Variants in NAALADL2 observed in about 807,000 individuals in gnomAD.
NAALADL2 encodes the protein N-acetylated alpha-linked acidic dipeptidase like 2, also known as inactive N-acetylated-alpha-linked acidic dipeptidase-like protein 2.
In NAALADL2, 76 loss-of-function variants were observed where a neutral mutation model predicts 87.2. The observed-to-expected ratio is 0.87, with a 90% CI of 0.72 to 1.05. NAALADL2 has a LOEUF of 1.05. Among genes scored for constraint, NAALADL2 ranks in the 50% least tolerant of loss-of-function variants. NAALADL2 has a pLI of 0.00. For synonymous variants in NAALADL2, 354 were observed against 331.0 expected (o/e 1.07, Z -0.75); for missense variants, 1,089 against 945.8 (o/e 1.15, Z -1.99).
chr3:175,307,968 A>G (rs1757917442), intron 4 of NAALADL2, among the ~76,000 whole-genome samples: 2 of 152,302 alleles, frequency 1.3e-5, no homozygotes, highest in East Asian at 3.9e-4. Context: ...AAGTAAAGTA[A>G]TTATTTACTC....
chr3:174,905,767 G>A (rs919424872), intron 1 of NAALADL2, among the ~76,000 whole-genome samples: 3 of 152,014 alleles, frequency 2.0e-5, no homozygotes, highest in African/African-American at 7.3e-5. Flanking sequence ...GGTATCTGAT[G>A]TAGAAGGGGC....
In NAALADL2 at chr3:175,103,846, A is replaced by G. The variant is rs112716177; in HGVS notation, c.545+6555A>G. 7.2e-3 allele frequency among the ~76,000 whole-genome samples: 1,093 copies of G among 152,292 alleles called. 20 individuals carry two copies. Among genetic ancestry groups the G allele is most frequent in the African/African-American group, 0.025 (1,050 of 41,558 alleles). On this transcript the variant is annotated intron_variant, in intron 2 of 13. Transcript: ENST00000454872. ...AGAACCCTTCATTTTAACATTTAGT[A>G]TGTTTTTATGGTCTTTCCTGACAAA... is the stretch of plus-strand genomic sequence containing the variant.
intron 11 of NAALADL2, among the ~76,000 whole-genome samples, chr3:175,710,598 A>ATT (rs938761718): frequency 1.3e-4 from 16 of 127,370 alleles, no homozygotes; most frequent in African/African-American, 7.6e-4. Context: ...ATATATATAT[A>ATT]CACATATATA....
intron 1 of NAALADL2, among the ~76,000 whole-genome samples, chr3:174,993,344 A>C (rs1304525392): frequency 1.3e-5 from 2 of 152,148 alleles, no homozygotes; most frequent in East Asian, 3.9e-4. Context: ...CCTGGTTATG[A>C]GCCAGGAAGA....
intron 3 of NAALADL2, among the ~76,000 whole-genome samples, chr3:174,761,342 A>G (rs1378050231): frequency 6.6e-6 from 1 of 152,196 alleles, no homozygotes; most frequent in Non-Finnish European, 1.5e-5. Flanking sequence ...AAGTTTGAAT[A>G]GTAACTAGAA....
chr3:174,578,277 A>G (rs907357727), intron 2 of NAALADL2, among the ~76,000 whole-genome samples: 1 of 151,944 alleles, frequency 6.6e-6, no homozygotes, highest in African/African-American at 2.4e-5. Flanking sequence ...ATATCCACAA[A>G]TTTTAGGAAA....
chr3:174,925,442 G>A (rs535446361), intron 1 of NAALADL2, among the ~76,000 whole-genome samples: 1 of 152,210 alleles, frequency 6.6e-6, no homozygotes, highest in Non-Finnish European at 1.5e-5. Context: ...CTCTGTTTTG[G>A]TACCAGTACC....
At chr3:174,672,795 T>C (rs1374400168) in intron 2 of NAALADL2, among the ~76,000 whole-genome samples, 1 of 152,006 alleles carries the variant, frequency 6.6e-6, no homozygotes, top group Non-Finnish European at 1.5e-5. Flanking sequence ...AAGCCTAGTA[T>C]GTTTGAGAAG....
intron 2 of NAALADL2, among the ~76,000 whole-genome samples, chr3:174,639,771 T>G (rs753996608): frequency 5.9e-5 from 9 of 152,222 alleles, no homozygotes; most frequent in Non-Finnish European, 1.2e-4. Flanking sequence ...AACTTTTTAT[T>G]AATGTTTTAT....
chr3:175,439,314 A>ATT (rs201722612), intron 5 of NAALADL2, among the ~76,000 whole-genome samples: 1,783 of 147,746 alleles, frequency 0.012, 31 homozygotes, highest in African/African-American at 0.041. Context: ...ATGTGCAAGT[A>ATT]TTTTTTTTTT....
intron 1 of NAALADL2, among the ~76,000 whole-genome samples, chr3:174,976,887 C>T (rs773704525): frequency 6.6e-6 from 1 of 152,122 alleles, no homozygotes; most frequent in Non-Finnish European, 1.5e-5. Context: ...GGCAAGGGTC[C>T]TTGAAGGGCC....
intron 9 of NAALADL2, among the ~76,000 whole-genome samples, chr3:175,507,208 A>G (rs1328201269): frequency 2.0e-5 from 3 of 151,796 alleles, no homozygotes; most frequent in African/African-American, 7.3e-5. Flanking sequence ...TTCTCCAGAC[A>G]CCCTAAAGTT....
intron 4 of NAALADL2, among the ~76,000 whole-genome samples, chr3:175,296,727 A>G (rs955755764): frequency 6.6e-6 from 1 of 152,154 alleles, no homozygotes; most frequent in Non-Finnish European, 1.5e-5. Context: ...CTCACGGTAA[A>G]ATTGCTAAGT....
chr3:175,074,246 T>C (rs1228552955), intron 1 of NAALADL2, among the ~76,000 whole-genome samples: 1 of 152,150 alleles, frequency 6.6e-6, no homozygotes, highest in African/African-American at 2.4e-5. Context: ...TGTTTAACTT[T>C]TGACTCACAT....
intron 4 of NAALADL2, among the ~76,000 whole-genome samples, chr3:175,302,639 G>C (rs1222051435): frequency 1.3e-5 from 2 of 151,914 alleles, no homozygotes; most frequent in Non-Finnish European, 2.9e-5. Context: ...TTTAACATGA[G>C]ATTTTCTAAA....
At position 175,576,205 on chromosome 3, in the gene NAALADL2, A is replaced by G; in HGVS notation, c.1800+18A>G. On this transcript the variant is annotated intron_variant, in intron 10 of 13. Transcript: ENST00000454872. ...CATTAGAGGTGATTGTTCCTAAAAA[A>G]TGCAAAACACACACACACAATATAG... The G allele has an allele frequency of 6.2e-7, 1 of 1,607,476 alleles. No homozygotes were observed. Among genetic ancestry groups the G allele is most frequent in the South Asian group, 1.1e-5 (1 of 89,952 alleles).
At chr3:175,324,044 G>GAAAAAA (rs1399594788) in intron 4 of NAALADL2, 131 bp from the exon 5 acceptor site, 11 of 470,204 alleles carry the variant, frequency 2.3e-5, no homozygotes, top group Non-Finnish European at 3.8e-5. Flanking sequence ...AAAAAAAAAA[G>GAAAAAA]AAAAAGAAAA....
At chr3:174,756,972 A>G (rs1464782797) in intron 3 of NAALADL2, among the ~76,000 whole-genome samples, 1 of 152,082 alleles carries the variant, frequency 6.6e-6, no homozygotes, top group Non-Finnish European at 1.5e-5. Context: ...ACAAAACAAA[A>G]CAAAACCTCA....
At chr3:175,227,644 T>C (rs1744346749) in intron 2 of NAALADL2, among the ~76,000 whole-genome samples, 1 of 151,938 alleles carries the variant, frequency 6.6e-6, no homozygotes, top group South Asian at 2.1e-4. Context: ...AAACATTTAT[T>C]GTGGGGAAAA....
Sources: allele counts gnomAD v4.1 joint callset (sites outside exome capture counted in the v4.1 genomes callset), GRCh38; gene constraint gnomAD v4.1.1; transcripts MANE v1.5; gene names NCBI Gene and HGNC (gene_info 2026-07-23, HGNC 2026-07-21).